The following NREP variants were observed in gnomAD, a reference collection of about 807,000 sequenced individuals.
The protein encoded by NREP is neuronal regeneration-related protein.
NREP carries 5 observed loss-of-function variants against 8.6 expected under a neutral mutation model. The observed-to-expected ratio is 0.58, with a 90% CI of 0.30 to 1.22. The LOEUF is 1.22. Among genes scored for constraint, NREP ranks in the 50% most tolerant of loss-of-function variants. The pLI, the probability that NREP is intolerant of heterozygous loss-of-function variation, is 0.07. For missense variants in NREP, 86 were observed against 82.5 expected (o/e 1.04, Z -0.17); for synonymous variants, 27 against 28.0 (o/e 0.96, Z 0.11).
At chr5:111,797,277 G>C (rs572913821) in intron 2 of NREP, among the ~76,000 whole-genome samples, 1 of 152,260 alleles carries the variant, frequency 6.6e-6, no homozygotes, top group East Asian at 1.9e-4. Flanking sequence ...AAAGCTTACA[G>C]CTTGTCCTTA....
At chr5:111,757,755 T>A, upstream of NREP, 1 of 974,560 alleles carries the variant, frequency 1.0e-6, no homozygotes, top group Non-Finnish European at 1.2e-6. Context: ...CGCGCGCAAA[T>A]CCCCGGCCTT....
rs77349269 is a variant in NREP, at chr5:111,912,015, A to C, written c.135+63259T>G. Reference sequence around the variant, plus strand: ...CACGATTGATAAGTGCCAAAGACAAAATATAAATTCCTGTCTGTCTACCTT... The same window carrying C: ...CACGATTGATAAGTGCCAAAGACAACATATAAATTCCTGTCTGTCTACCTT... On this transcript the variant is annotated intron_variant, in intron 2 of 3. Transcript: ENST00000395634. Among the ~76,000 whole-genome samples, 1,297 of 152,228 alleles carry C rather than the reference A, an allele frequency of 8.5e-3. 27 individuals carry two copies. Among genetic ancestry groups the C allele is most frequent in the African/African-American group, 0.03 (1,240 of 41,570 alleles).
At chr5:111,776,601 G>A (rs547964758) in intron 2 of NREP, among the ~76,000 whole-genome samples, 13 of 152,202 alleles carry the variant, frequency 8.5e-5, no homozygotes, top group South Asian at 2.1e-4. Context: ...AATAGTCGTC[G>A]ATTCATACAA....
At chr5:111,757,733 C>A (rs780552623), upstream of NREP, 139 of 984,690 alleles carry the variant, frequency 1.4e-4, no homozygotes, top group Non-Finnish European at 1.6e-4. Context: ...CGGCCCCGCC[C>A]CGGGAGCACG....
In NREP at chr5:111,919,306, A is replaced by G. The variant is rs2112576540; in HGVS notation, c.135+55968T>C. Reference sequence around the variant, plus strand: ...TAAATTAGTTCAACCATTGTGGAAGACAGCATGGCGATTCCTCAAGGATCT... The same window carrying G: ...TAAATTAGTTCAACCATTGTGGAAGGCAGCATGGCGATTCCTCAAGGATCT... On this transcript the variant is annotated intron_variant, in intron 2 of 3. Transcript: ENST00000395634. 2.0e-5 allele frequency among the ~76,000 whole-genome samples: 3 copies of G among 152,274 alleles called. No homozygotes were observed. The Middle Eastern group carries it at 0.01, about 518-fold the overall frequency.
intron 2 of NREP, among the ~76,000 whole-genome samples, chr5:111,899,319 G>T (rs953234457): frequency 2.6e-5 from 4 of 152,076 alleles, no homozygotes; most frequent in African/African-American, 9.7e-5. Flanking sequence ...TTTGAGACTA[G>T]CCTGGGCTAC....
intron 2 of NREP, among the ~76,000 whole-genome samples, chr5:111,816,586 A>G (rs1752390296): frequency 2.0e-5 from 3 of 152,046 alleles, no homozygotes; most frequent in South Asian, 2.1e-4. Context: ...TACTAAGGGT[A>G]TATATAATAC....
At chr5:111,832,776 C>A (rs1752804546) in intron 2 of NREP, among the ~76,000 whole-genome samples, 1 of 152,224 alleles carries the variant, frequency 6.6e-6, no homozygotes, top group Non-Finnish European at 1.5e-5. Context: ...ATCTCTGAAT[C>A]TCTTTACCAC....
chr5:111,889,272 G>A (rs905890834), intron 2 of NREP, among the ~76,000 whole-genome samples: 35 of 152,192 alleles, frequency 2.3e-4, no homozygotes, highest in African/African-American at 8.0e-4. Context: ...GCAGGAGCAA[G>A]AGAGAGTGGT....
chr5:111,946,162 A>G (rs530706179), intron 2 of NREP, among the ~76,000 whole-genome samples: 1 of 151,990 alleles, frequency 6.6e-6, no homozygotes, highest in African/African-American at 2.4e-5. Flanking sequence ...AGAGTTGCCA[A>G]TTCTGCTAAT....
At chr5:111,942,103 C>T (rs6882073) in intron 2 of NREP, among the ~76,000 whole-genome samples, 77,255 of 151,832 alleles carry the variant, frequency 0.51, 20,427 homozygotes, top group South Asian at 0.65. Context: ...ACCATAAAAA[C>T]AGTTATATTA....
intron 2 of NREP, among the ~76,000 whole-genome samples, chr5:111,897,852 T>A (rs1309231738): frequency 6.6e-6 from 1 of 152,164 alleles, no homozygotes; most frequent in African/African-American, 2.4e-5. Flanking sequence ...GATAAAAATA[T>A]AAATTACCCA....
chr5:111,962,848 G>A (rs1256312957), intron 2 of NREP, among the ~76,000 whole-genome samples: 1 of 152,164 alleles, frequency 6.6e-6, no homozygotes, highest in African/African-American at 2.4e-5. Flanking sequence ...AGACTTAAGG[G>A]AAGGTTATCT....
chr5:111,758,595 A>AAATTGTGTCC (rs1412850573), upstream of NREP, among the ~76,000 whole-genome samples: 59 of 152,358 alleles, frequency 3.9e-4, no homozygotes, highest in Non-Finnish European at 7.6e-4. Flanking sequence ...TCCAAGAAAA[A>AAATTGTGTCC]AAGATATAAA....
intron 2 of NREP, among the ~76,000 whole-genome samples, chr5:111,940,651 CAG>C (rs1434464594): frequency 5.3e-5 from 8 of 152,156 alleles, no homozygotes; most frequent in African/African-American, 1.9e-4. Context: ...ACTCTGAAGA[CAG>C]AGAAGAGAGG....
intron 2 of NREP, among the ~76,000 whole-genome samples, chr5:111,907,818 T>A (rs1313077046): frequency 1.3e-5 from 2 of 152,052 alleles, no homozygotes; most frequent in Non-Finnish European, 2.9e-5. Context: ...TGTCCCATGG[T>A]GGATGAAGTG....
chr5:111,773,780 T>C (rs1179332147), intron 2 of NREP, among the ~76,000 whole-genome samples: 5 of 152,162 alleles, frequency 3.3e-5, no homozygotes, highest in Admixed American at 6.6e-5. Flanking sequence ...TTCTTTCTTA[T>C]TTTTTGAAAA....
At chr5:111,775,444 C>A (rs1037439248) in intron 2 of NREP, among the ~76,000 whole-genome samples, 19 of 152,260 alleles carry the variant, frequency 1.2e-4, no homozygotes, top group African/African-American at 4.6e-4. Context: ...AATGCAGAAT[C>A]TTGCTAAGAA....
intron 2 of NREP, among the ~76,000 whole-genome samples, chr5:111,931,346 T>C (rs1249972338): frequency 6.6e-6 from 1 of 152,014 alleles, no homozygotes; most frequent in Non-Finnish European, 1.5e-5. Flanking sequence ...TTAGTCACTT[T>C]CTCCTGGATT....
Sources: allele counts gnomAD v4.1 joint callset (sites outside exome capture counted in the v4.1 genomes callset), GRCh38; gene constraint gnomAD v4.1.1; transcripts MANE v1.5; gene names NCBI Gene and HGNC (gene_info 2026-07-23, HGNC 2026-07-21).